PPP2R5E: variants seen among roughly 807,000 people sequenced by gnomAD.
PPP2R5E encodes protein phosphatase 2 regulatory subunit B'epsilon.
A neutral mutation model predicts 65.3 loss-of-function variants in PPP2R5E; 4 were observed. The observed-to-expected ratio is 0.06, with a 90% CI of 0.03 to 0.14. The LOEUF (loss-of-function observed/expected upper bound fraction) is 0.14, where lower values mean the gene tolerates loss of function less well. Ranked by LOEUF, PPP2R5E falls within the 10% of genes least tolerant of loss-of-function variation. The pLI, the probability that PPP2R5E is intolerant of heterozygous loss-of-function variation, is 1.00. For synonymous variants in PPP2R5E, 183 were observed against 187.4 expected, an observed-to-expected ratio of 0.98 and a Z score of 0.19; for missense variants, 274 against 556.1, an observed-to-expected ratio of 0.49 and a Z score of 5.10.
chr14:63,379,827 T>TCTC (rs1555354234), intron 13 of PPP2R5E, among the ~76,000 whole-genome samples: 119 of 80,534 alleles, frequency 1.5e-3, no homozygotes, highest in African/African-American at 7.1e-3. Flanking sequence ...ATTCTCTCTC[T>TCTC]TTTTTTTTTT....
chr14:63,517,210 A>G (rs1384291137), intron 2 of PPP2R5E, among the ~76,000 whole-genome samples: 1 of 152,250 alleles, frequency 6.6e-6, no homozygotes, highest in Admixed American at 6.5e-5. Flanking sequence ...TTGCTTAAAA[A>G]AAATAAAAAA....
At chr14:63,471,988 T>A (rs1890158343) in intron 2 of PPP2R5E, among the ~76,000 whole-genome samples, 1 of 152,192 alleles carries the variant, frequency 6.6e-6, no homozygotes, top group African/African-American at 2.4e-5. Context: ...AGCTGGCCTG[T>A]TATTTCTGTT....
chr14:63,436,229 A>G (rs1887946143), intron 3 of PPP2R5E, among the ~76,000 whole-genome samples: 1 of 152,230 alleles, frequency 6.6e-6, no homozygotes, highest in African/African-American at 2.4e-5. Flanking sequence ...TGAGAACACA[A>G]ATTCTAAACA....
intron 2 of PPP2R5E, among the ~76,000 whole-genome samples, chr14:63,498,485 C>T (rs1891691530): frequency 6.6e-6 from 1 of 151,908 alleles, no homozygotes; most frequent in Non-Finnish European, 1.5e-5. Context: ...TTTTAAGTGT[C>T]TTGGATCTTC....
At chr14:63,445,616 G>C (rs190487039) in intron 3 of PPP2R5E, among the ~76,000 whole-genome samples, 3 of 152,028 alleles carry the variant, frequency 2.0e-5, no homozygotes, top group Admixed American at 2.0e-4. Flanking sequence ...AAGCTGAGGC[G>C]GGCAGATCAC....
Position 63,395,252 on chromosome 14 carries a change from T to C in PPP2R5E, c.714A>G (p.Val238=). 1 of 1,610,776 alleles carries C rather than the reference T, an allele frequency of 6.2e-7. No individual in the cohort carries two copies. Among genetic ancestry groups the C allele is most frequent in the Non-Finnish European group, 8.5e-7 (1 of 1,177,810 alleles). ...TTCCTAATATTTCCAGCAGTTCAGC[T>C]ACACCATTGAAGTGTTCTGTTTCAT... ...FVYETEHFNG[V]AELLEILGSI... Residue 238 remains valine, a synonymous_variant, in exon 7 of 14, where the codon GTA becomes GTG. Coordinates refer to ENST00000337537, the MANE Select transcript of PPP2R5E (RefSeq NM_006246.5).
intron 2 of PPP2R5E, among the ~76,000 whole-genome samples, chr14:63,502,572 C>T (rs1891943168): frequency 6.6e-6 from 1 of 151,994 alleles, no homozygotes; most frequent in South Asian, 2.1e-4. Flanking sequence ...GAGACTGAGG[C>T]AGGAGAATTG....
At chr14:63,464,748 A>G (rs28522688) in intron 2 of PPP2R5E, among the ~76,000 whole-genome samples, 45,620 of 152,122 alleles carry the variant, frequency 0.3, 8,525 homozygotes, top group African/African-American at 0.53. Flanking sequence ...CTGGCCAGGC[A>G]CGGTGGCTCA....
intron 2 of PPP2R5E, among the ~76,000 whole-genome samples, chr14:63,534,577 T>C (rs996608933): frequency 4.6e-5 from 7 of 152,174 alleles, no homozygotes; most frequent in Non-Finnish European, 1.0e-4. Flanking sequence ...TCTACTAGGT[T>C]TTCCCTATCA....
intron 2 of PPP2R5E, among the ~76,000 whole-genome samples, chr14:63,460,321 G>A (rs1051394489): frequency 1.3e-5 from 2 of 152,178 alleles, no homozygotes; most frequent in Non-Finnish European, 2.9e-5. Context: ...TGGAAGGGCT[G>A]CAGCTAGTAT....
chr14:63,422,824 A>C (rs997582691), intron 3 of PPP2R5E, among the ~76,000 whole-genome samples: 17 of 151,926 alleles, frequency 1.1e-4, no homozygotes, highest in South Asian at 6.2e-4. Flanking sequence ...TTATGGTTGA[A>C]ATAACAGTGA....
chr14:63,536,598 T>C (rs1893674115), intron 2 of PPP2R5E, among the ~76,000 whole-genome samples: 1 of 152,180 alleles, frequency 6.6e-6, no homozygotes, highest in Non-Finnish European at 1.5e-5. Context: ...TTATTCACAA[T>C]AGCCTGAAGG....
chr14:63,457,962 C>A (rs1889223171), intron 2 of PPP2R5E, among the ~76,000 whole-genome samples: 1 of 152,150 alleles, frequency 6.6e-6, no homozygotes, highest in African/African-American at 2.4e-5. Flanking sequence ...TACTTTTTAG[C>A]AGTAGTCATT....
chr14:63,521,649 C>T (rs1277154654), intron 2 of PPP2R5E, among the ~76,000 whole-genome samples: 3 of 152,100 alleles, frequency 2.0e-5, no homozygotes, highest in African/African-American at 4.8e-5. Flanking sequence ...GTGAATAGAG[C>T]AAGACTCAGT....
intron 5 of PPP2R5E, among the ~76,000 whole-genome samples, chr14:63,407,225 C>T (rs1457906621): frequency 6.6e-6 from 1 of 152,130 alleles, no homozygotes; most frequent in Non-Finnish European, 1.5e-5. Context: ...ATGGCAGAGC[C>T]CGAATTCAAA....
intron 3 of PPP2R5E, among the ~76,000 whole-genome samples, chr14:63,433,108 G>T (rs1398612316): frequency 2.1e-5 from 3 of 140,584 alleles, no homozygotes; most frequent in Non-Finnish European, 4.5e-5. Flanking sequence ...TGCGATTACA[G>T]CTCACCACAG....
chr14:63,474,818 G>A (rs781437159), intron 2 of PPP2R5E, among the ~76,000 whole-genome samples: 4 of 152,002 alleles, frequency 2.6e-5, no homozygotes, highest in East Asian at 3.8e-4. Flanking sequence ...CCAATAGGCC[G>A]GATGAACTCA....
At chr14:63,531,216 G>C (rs759026407) in intron 2 of PPP2R5E, among the ~76,000 whole-genome samples, 10 of 152,130 alleles carry the variant, frequency 6.6e-5, no homozygotes, top group Admixed American at 1.3e-4. Context: ...CATGTGCCAT[G>C]TTGGTGTGCT....
At chr14:63,463,924 G>T (rs1311773709) in intron 2 of PPP2R5E, among the ~76,000 whole-genome samples, 1 of 152,034 alleles carries the variant, frequency 6.6e-6, no homozygotes, top group African/African-American at 2.4e-5. Flanking sequence ...AAACAGAATG[G>T]TTTATATTCA....
Sources: gnomAD v4.1 joint callset for allele counts (sites outside exome capture counted in the v4.1 genomes callset) on GRCh38, gnomAD v4.1.1 for gene constraint, MANE v1.5 for transcripts, NCBI Gene and HGNC (gene_info 2026-07-23, HGNC 2026-07-21) for gene names.